Variants in PALS1 observed in about 807,000 individuals in gnomAD.
The protein encoded by PALS1 is protein associated with LIN7 1, MAGUK p55 family member, also known as protein PALS1.
In PALS1, 31 loss-of-function variants were observed where a neutral mutation model predicts 78.9. The observed-to-expected ratio is 0.39, with a 90% CI of 0.30 to 0.53. The LOEUF is 0.53. PALS1 is among the 20% of genes least tolerant of loss of function. The pLI is 0.67. For synonymous variants in PALS1, 276 were observed against 270.9 expected (o/e 1.02, Z -0.18); for missense variants, 704 against 826.5 (o/e 0.85, Z 1.82).
intron 1 of PALS1, among the ~76,000 whole-genome samples, chr14:67,247,390 A>G (rs1334583158): frequency 2.0e-5 from 3 of 152,138 alleles, no homozygotes; most frequent in Non-Finnish European, 2.9e-5. Context: ...AAACTCCCTT[A>G]TTAGCTCTAG....
chr14:67,288,695 TA>T (rs2084727131), intron 3 of PALS1, among the ~76,000 whole-genome samples: 1 of 152,152 alleles, frequency 6.6e-6, no homozygotes, highest in Non-Finnish European at 1.5e-5. Flanking sequence ...TTTAATCTCT[TA>T]GGGAATTCTT....
chr14:67,260,535 G>A lies in PALS1; in HGVS notation c.-236-9166G>A, dbSNP rs143944291. Among the ~76,000 whole-genome samples, 10 of 152,264 alleles carry A rather than the reference G, an allele frequency of 6.6e-5. No homozygotes were observed. In the South Asian group the frequency reaches 8.3e-4, roughly 13 times the overall value. On this transcript the variant is annotated intron_variant, in intron 1 of 14. Transcript: ENST00000261681. ...AGACAATAAATGCTACAGCAAAGGC[G>A]TAGATTAAGTACTCTAGAAGGGTAG...
intron 14 of PALS1, among the ~76,000 whole-genome samples, chr14:67,330,455 A>ATTTT (rs533831095): frequency 8.5e-6 from 1 of 117,806 alleles, no homozygotes; most frequent in African/African-American, 3.2e-5. Context: ...ATTTCCCTTC[A>ATTTT]TTTTTTTTTT....
At chr14:67,317,602 T>C in intron 11 of PALS1, 123 bp downstream of exon 11, 2 of 591,484 alleles carry the variant, frequency 3.4e-6, no homozygotes, top group Non-Finnish European at 5.7e-6. Flanking sequence ...TATTTTCTTT[T>C]GGAATCCTGT....
At chr14:67,321,365 T>G (rs1396624352) in intron 13 of PALS1, 106 bp downstream of exon 13, 1 of 1,019,784 alleles carries the variant, frequency 9.8e-7, no homozygotes. Flanking sequence ...CCTAATTAAG[T>G]TCTCATACGG....
chr14:67,307,334 A>G (rs1437266603), intron 8 of PALS1, among the ~76,000 whole-genome samples: 1 of 152,236 alleles, frequency 6.6e-6, no homozygotes, highest in African/African-American at 2.4e-5. Context: ...AGGGCATAAT[A>G]GACTTTTATC....
intron 1 of PALS1, among the ~76,000 whole-genome samples, chr14:67,242,729 A>ATTTATAATG (rs112949124): frequency 2.0e-5 from 3 of 152,244 alleles, no homozygotes; most frequent in African/African-American, 7.2e-5. Flanking sequence ...AATGTAAGAG[A>ATTTATAATG]TTTATAGATA....
intron 1 of PALS1, among the ~76,000 whole-genome samples, chr14:67,250,754 C>A (rs755774583): frequency 6.6e-6 from 1 of 152,144 alleles, no homozygotes; most frequent in Non-Finnish European, 1.5e-5. Flanking sequence ...TTAGAGTTAA[C>A]GAAAATAAAT....
At chr14:67,297,419 G>A (rs1023671694) in intron 4 of PALS1, among the ~76,000 whole-genome samples, 4 of 147,246 alleles carry the variant, frequency 2.7e-5, no homozygotes, top group African/African-American at 1.0e-4. Flanking sequence ...AGATAAATAG[G>A]TAATTTTACT....
chr14:67,300,863 A>C (rs568095182), intron 4 of PALS1, among the ~76,000 whole-genome samples: 1 of 151,708 alleles, frequency 6.6e-6, no homozygotes, highest in East Asian at 2.0e-4. Flanking sequence ...TATATAAAAA[A>C]ATTTATAAAA....
At chr14:67,316,088 A>G (rs1053212634) in intron 9 of PALS1, among the ~76,000 whole-genome samples, 1 of 152,246 alleles carries the variant, frequency 6.6e-6, no homozygotes, top group Non-Finnish European at 1.5e-5. Context: ...ACTGAAAAAA[A>G]GTAGATTTAA....
At chr14:67,257,641 C>T (rs2084166014) in intron 1 of PALS1, among the ~76,000 whole-genome samples, 1 of 151,564 alleles carries the variant, frequency 6.6e-6, no homozygotes, top group African/African-American at 2.4e-5. Context: ...AGAACATACA[C>T]ACGTATTTTA....
At chr14:67,268,065 A>G (rs2140556811) in intron 1 of PALS1, among the ~76,000 whole-genome samples, 1 of 152,266 alleles carries the variant, frequency 6.6e-6, no homozygotes, top group Non-Finnish European at 1.5e-5. Flanking sequence ...TGATTTTTAC[A>G]GATAAAAACA....
At chr14:67,323,197 A>ATG (rs1273084008) in intron 13 of PALS1, among the ~76,000 whole-genome samples, 2 of 149,136 alleles carry the variant, frequency 1.3e-5, no homozygotes, top group East Asian at 2.0e-4. Context: ...TATGTATTAT[A>ATG]TGTGTATATA....
intron 1 of PALS1, among the ~76,000 whole-genome samples, chr14:67,245,689 T>C (rs895435875): frequency 1.3e-5 from 2 of 152,162 alleles, no homozygotes. Flanking sequence ...ATAAGTGATT[T>C]ACGAAGGTTT....
At chr14:67,330,802 T>G (rs552223198) in intron 14 of PALS1, among the ~76,000 whole-genome samples, 44 of 152,336 alleles carry the variant, frequency 2.9e-4, no homozygotes, top group African/African-American at 1.0e-3. Flanking sequence ...AGAAGTATGT[T>G]ATATAGTTTC....
intron 3 of PALS1, among the ~76,000 whole-genome samples, chr14:67,288,964 CTTTTTTT>C (rs36044460): frequency 2.8e-5 from 3 of 107,076 alleles, no homozygotes; most frequent in Admixed American, 1.0e-4. Flanking sequence ...TCTTTATTTC[CTTTTTTT>C]TTTTTTTTTT....
rs1249001844 is a variant in PALS1 at position 67,321,075 on chromosome 14, G to A, written c.1556G>A (p.Arg519Gln). ...TGCCTAGATACAACCCGGAGTAGGC[G>A]AGACCAAGAAGTAGCCGGTAGAGAT... ...SAVPHTTRSR[R>Q]DQEVAGRDYH... is the part of the protein sequence containing the mutation. Residue 519 changes from arginine (R) to glutamine (Q), a missense_variant, in exon 13 of 15, where the codon CGA (arginine) becomes CAA (glutamine). By Grantham distance (43) the Arg-to-Gln change is conservative (BLOSUM62 1). Coordinates refer to ENST00000261681, the MANE Select transcript of PALS1 (RefSeq NM_022474.4). 8 of 1,613,894 alleles carry A rather than the reference G, an allele frequency of 5.0e-6. No homozygotes were observed. Among genetic ancestry groups the A allele is most frequent in the African/African-American group, 2.7e-5 (2 of 74,910 alleles).
At position 67,321,203 on chromosome 14, in the gene PALS1, T is replaced by A. The variant is rs1386000371; in HGVS notation, c.1684T>A (p.Ser562Thr). Residue 562 changes from serine (S) to threonine (T), a missense_variant, in exon 13 of 15, where the codon TCT becomes ACT. Coordinates refer to ENST00000261681, the MANE Select transcript of PALS1 (RefSeq NM_022474.4). The stretch of plus-strand genomic sequence containing the variant: ...GAATTTGTATGGAACTAGCATAGAT[T>A]CTGTACGGCAAGTGATCAACTCTGG... Reference protein sequence around the residue: ...EKNLYGTSIDSVRQVINSGKI... With the variant: ...EKNLYGTSIDTVRQVINSGKI... 7 of 1,614,082 alleles carry A rather than the reference T, an allele frequency of 4.3e-6. No individual in the cohort carries two copies. The highest frequency in any genetic ancestry group is 5.9e-6 in the Non-Finnish European group (7 of 1,180,048).
Sources: allele counts gnomAD v4.1 joint callset (sites outside exome capture counted in the v4.1 genomes callset), GRCh38; gene constraint gnomAD v4.1.1; transcripts MANE v1.5; gene names NCBI Gene and HGNC (gene_info 2026-07-23, HGNC 2026-07-21).